The following COL21A1 variants were observed in gnomAD, a reference collection of about 807,000 sequenced individuals.
COL21A1 encodes the protein collagen type XXI alpha 1 chain, also known as collagen alpha-1(XXI) chain.
In COL21A1, 149 loss-of-function variants were observed where a neutral mutation model predicts 137.9. That is an observed-to-expected ratio of 1.08 (90% CI 0.95 to 1.24). The LOEUF (loss-of-function observed/expected upper bound fraction) is 1.24, where lower values mean the gene tolerates loss of function less well. Ranked by LOEUF, COL21A1 falls within the 50% of genes most tolerant of loss-of-function variation. The pLI, the probability that COL21A1 is intolerant of heterozygous loss-of-function variation, is 0.00. For synonymous variants in COL21A1, 456 were observed against 391.5 expected (o/e 1.16, Z -1.95); for missense variants, 1,167 against 1,158.4 (o/e 1.01, Z -0.11).
At chr6:56,163,042 T>A (rs1403225081) in intron 9 of COL21A1, among the ~76,000 whole-genome samples, 1 of 152,220 alleles carries the variant, frequency 6.6e-6, no homozygotes, top group Non-Finnish European at 1.5e-5. Context: ...CATATCTTTC[T>A]TTATTTTAAT....
intron 24 of COL21A1, among the ~76,000 whole-genome samples, chr6:56,063,388 T>C (rs763010136): frequency 1.3e-5 from 2 of 152,096 alleles, no homozygotes; most frequent in South Asian, 4.1e-4. Flanking sequence ...CCTATGGGAA[T>C]AGCAGTTTAT....
intron 1 of COL21A1, among the ~76,000 whole-genome samples, chr6:56,211,493 T>C (rs996493333): frequency 1.8e-4 from 27 of 151,984 alleles, no homozygotes; most frequent in African/African-American, 6.3e-4. Flanking sequence ...AGCATTATTC[T>C]CACAGAGCAT....
At chr6:56,147,128 A>G (rs890609739) in intron 10 of COL21A1, among the ~76,000 whole-genome samples, 7 of 152,192 alleles carry the variant, frequency 4.6e-5, no homozygotes, top group African/African-American at 1.7e-4. Flanking sequence ...ACAACTTTCT[A>G]AGGTAACTTA....
intron 1 of COL21A1, among the ~76,000 whole-genome samples, chr6:56,262,948 T>C (rs1925162): frequency 0.23 from 35,350 of 152,130 alleles, 4,479 homozygotes; most frequent in Non-Finnish European, 0.29. Context: ...TTCAGGTTCT[T>C]GTAATTTATT....
At chr6:56,137,882 C>A (rs1355469069) in intron 12 of COL21A1, among the ~76,000 whole-genome samples, 1 of 151,970 alleles carries the variant, frequency 6.6e-6, no homozygotes, top group African/African-American at 2.4e-5. Flanking sequence ...GGAGATAATC[C>A]AGATTGCAAA....
intron 1 of COL21A1, among the ~76,000 whole-genome samples, chr6:56,367,362 C>A (rs2152349532): frequency 6.6e-6 from 1 of 152,264 alleles, no homozygotes; most frequent in Non-Finnish European, 1.5e-5. Flanking sequence ...ATTTCCTTTG[C>A]CAGTGATTAG....
intron 17 of COL21A1, among the ~76,000 whole-genome samples, chr6:56,096,854 A>G (rs149736867): frequency 1.0e-3 from 159 of 152,272 alleles, no homozygotes; most frequent in African/African-American, 3.7e-3. Context: ...ATTTATTACA[A>G]CTACTTAAAA....
chr6:56,363,979 G>T (rs922086278), intron 1 of COL21A1, among the ~76,000 whole-genome samples: 1 of 152,218 alleles, frequency 6.6e-6, no homozygotes. Flanking sequence ...GTTTGCACTG[G>T]ACAGCAAATT....
At chr6:56,225,875 G>A (rs1193557591) in intron 1 of COL21A1, 1 of 151,982 alleles carries the variant, frequency 6.6e-6, no homozygotes, top group African/African-American at 2.4e-5. Flanking sequence ...CTATGTGATG[G>A]TCTTCCTGTG....
At chr6:56,257,864 C>T (rs1178227550) in intron 1 of COL21A1, among the ~76,000 whole-genome samples, 6 of 151,746 alleles carry the variant, frequency 4.0e-5, no homozygotes, top group Admixed American at 3.9e-4. Context: ...GATTTGTCAA[C>T]CCTTGCATTA....
intron 1 of COL21A1, among the ~76,000 whole-genome samples, chr6:56,343,453 A>G (rs1765515593): frequency 6.6e-6 from 1 of 152,210 alleles, no homozygotes; most frequent in African/African-American, 2.4e-5. Context: ...TACGGAAGCA[A>G]TAACTGTCAA....
At chr6:56,072,064 C>T (rs897176098) in intron 20 of COL21A1, among the ~76,000 whole-genome samples, 9 of 151,514 alleles carry the variant, frequency 5.9e-5, no homozygotes, top group East Asian at 1.9e-4. Flanking sequence ...TAAGTGAGAA[C>T]GTGTGATGTT....
intron 10 of COL21A1, among the ~76,000 whole-genome samples, chr6:56,151,175 G>A (rs549062537): frequency 1.5e-3 from 226 of 152,278 alleles, no homozygotes; most frequent in African/African-American, 5.2e-3. Flanking sequence ...GCAGTGAGCC[G>A]AGATCGCTCG....
chr6:56,074,212 G>A lies in COL21A1; in HGVS notation c.1965+20C>T, dbSNP rs1767010225. 1 of 1,555,364 alleles carries A rather than the reference G, an allele frequency of 6.4e-7. No individual in the cohort carries two copies. The highest frequency in any genetic ancestry group is 8.7e-7 in the Non-Finnish European group (1 of 1,149,698). ...GTGATTATACAAAGTTCCCAGTCTT[G>A]TTTATTTTATCATATTTACCTTAGA... On this transcript the variant is annotated intron_variant, in intron 20 of 29. Coordinates refer to ENST00000244728, the MANE Select transcript of COL21A1 (RefSeq NM_030820.4).
intron 1 of COL21A1, among the ~76,000 whole-genome samples, chr6:56,341,934 T>C (rs1444588994): frequency 6.6e-6 from 1 of 152,118 alleles, no homozygotes; most frequent in Non-Finnish European, 1.5e-5. Context: ...CAAAAAATAA[T>C]GATAAAAATA....
At chr6:56,205,036 G>A (rs1054216544) in intron 1 of COL21A1, among the ~76,000 whole-genome samples, 1 of 152,144 alleles carries the variant, frequency 6.6e-6, no homozygotes, top group African/African-American at 2.4e-5. Flanking sequence ...GGAGAAACCA[G>A]TGCAAAAAGG....
At chr6:56,058,369 G>A (rs1349964002) in intron 29 of COL21A1, among the ~76,000 whole-genome samples, 2 of 152,054 alleles carry the variant, frequency 1.3e-5, no homozygotes, top group Non-Finnish European at 2.9e-5. Context: ...GCCCTAATTT[G>A]TCAAACATAG....
intron 1 of COL21A1, among the ~76,000 whole-genome samples, chr6:56,257,528 GA>G (rs970239541): frequency 2.0e-5 from 3 of 151,880 alleles, no homozygotes; most frequent in Non-Finnish European, 2.9e-5. Flanking sequence ...AAAAAATGAA[GA>G]AAAAACCCCC....
In COL21A1 at chr6:56,331,253, AT is replaced by A. The variant is rs76606883; in HGVS notation, c.-39+62717del. ...TTTTCTTCCATTCTGCAGGTTGTCTATTTTTTTTTTCTGTGTAGAAGCTTTT... is the reference window on the plus strand; with the variant it reads ...TTTTCTTCCATTCTGCAGGTTGTCTATTTTTTTTTCTGTGTAGAAGCTTTT... On this transcript the variant is annotated intron_variant, in intron 1 of 28. Transcript: ENST00000370819. 3.9e-3 allele frequency among the ~76,000 whole-genome samples: 548 copies of A among 140,234 alleles called. 1 individual carries two copies. Among genetic ancestry groups the A allele is most frequent in the African/African-American group, 0.013 (487 of 38,494 alleles). The allele number at this position is 140,234 out of a possible 152,430, so 92.0% of individuals were successfully genotyped here.
Sources: allele counts gnomAD v4.1 joint callset (sites outside exome capture counted in the v4.1 genomes callset), GRCh38; gene constraint gnomAD v4.1.1; transcripts MANE v1.5; gene names NCBI Gene and HGNC (gene_info 2026-07-23, HGNC 2026-07-21).